The following PLA2R1 variants were observed in gnomAD, a reference collection of about 807,000 sequenced individuals.
PLA2R1 encodes phospholipase A2 receptor 1.
PLA2R1 carries 158 observed loss-of-function variants against 195.9 expected under a neutral mutation model. That is an observed-to-expected ratio of 0.81 (90% CI 0.71 to 0.92). The LOEUF (loss-of-function observed/expected upper bound fraction) is 0.92, where lower values mean the gene tolerates loss of function less well. Ranked by LOEUF, PLA2R1 falls within the 40% of genes least tolerant of loss-of-function variation. The pLI, the probability that PLA2R1 is intolerant of heterozygous loss-of-function variation, is 0.00. For missense variants in PLA2R1, 1,626 were observed against 1,764.6 expected, an observed-to-expected ratio of 0.92 and a Z score of 1.41; for synonymous variants, 586 against 598.2, an observed-to-expected ratio of 0.98 and a Z score of 0.30.
At chr2:160,058,092 T>G (rs1695690658) in intron 1 of PLA2R1, among the ~76,000 whole-genome samples, 1 of 151,868 alleles carries the variant, frequency 6.6e-6, no homozygotes, top group South Asian at 2.1e-4. Context: ...TCCCTTACCA[T>G]GCTTTCTAGA....
rs1686861871 is a variant in PLA2R1 at position 159,936,898 on chromosome 2, C to T, written c.*4880G>A. 1 of 152,176 alleles carries T rather than the reference C, an allele frequency of 6.6e-6. No homozygotes were observed. Among genetic ancestry groups the T allele is most frequent in the South Asian group, 2.1e-4 (1 of 4,832 alleles). 9.4% of individuals were successfully genotyped at this position (152,176 alleles called of 1,614,324 possible). A position where few individuals can be genotyped will look rare whatever the true frequency, so the allele number is the denominator to read the frequency against. On this transcript the variant is annotated 3_prime_UTR_variant, in exon 30 of 30. Coordinates refer to ENST00000283243, the MANE Select transcript of PLA2R1 (RefSeq NM_007366.5). ...ACTAGTATTACAGGGTTTGTTTCCACAGCACTCTCTAACTTATCTTAACAT... is the reference window on the plus strand; with the variant it reads ...ACTAGTATTACAGGGTTTGTTTCCATAGCACTCTCTAACTTATCTTAACAT...
chr2:160,038,792 T>C (rs1446069478), intron 3 of PLA2R1, among the ~76,000 whole-genome samples: 2 of 152,008 alleles, frequency 1.3e-5, no homozygotes, highest in African/African-American at 4.8e-5. Flanking sequence ...TGCTGAGCCA[T>C]GTTGAGGGCT....
chr2:160,061,595 G>A (rs147733761), intron 1 of PLA2R1, among the ~76,000 whole-genome samples: 7,831 of 152,116 alleles, frequency 0.051, 266 homozygotes, highest in Non-Finnish European at 0.077. Context: ...GCAACATGGT[G>A]AAACTCCGTC....
intron 20 of PLA2R1, among the ~76,000 whole-genome samples, chr2:159,961,292 TG>T (rs1276740061): frequency 6.6e-6 from 1 of 152,174 alleles, no homozygotes; most frequent in African/African-American, 2.4e-5. Context: ...TGATATCCTT[TG>T]TAATCAAATG....
chr2:159,967,154 T>C (rs1191025088), intron 20 of PLA2R1, among the ~76,000 whole-genome samples: 1 of 152,066 alleles, frequency 6.6e-6, no homozygotes, highest in Non-Finnish European at 1.5e-5. Flanking sequence ...CACACAGGCA[T>C]GCAGGCACAT....
At chr2:159,950,727 A>G (rs373352246) in intron 24 of PLA2R1, among the ~76,000 whole-genome samples, 1 of 152,342 alleles carries the variant, frequency 6.6e-6, no homozygotes, top group East Asian at 1.9e-4. Context: ...ATGTGTATAC[A>G]TGGAAAATTT....
chr2:159,941,649 A>G lies in PLA2R1; in HGVS notation c.*129T>C. On this transcript the variant is annotated 3_prime_UTR_variant, in exon 30 of 30. Coordinates refer to ENST00000283243, the MANE Select transcript of PLA2R1 (RefSeq NM_007366.5). ...AAGATTCAAAACCAGTAATCACTTC[A>G]AGAATAATTAAAATAGTGACCCAAT... 1.7e-6 allele frequency: 1 copy of G among 602,614 alleles called. No individual in the cohort carries two copies. Among genetic ancestry groups the G allele is most frequent in the South Asian group, 2.1e-5 (1 of 47,408 alleles). The allele number at this position is 602,614 out of a possible 1,614,324, so 37.3% of individuals were successfully genotyped here. A position where few individuals can be genotyped will look rare whatever the true frequency, so the allele number is the denominator to read the frequency against.
chr2:159,946,065 G>A (rs1687368949), intron 27 of PLA2R1: 5 of 971,848 alleles, frequency 5.1e-6, no homozygotes, highest in South Asian at 4.8e-5. Context: ...AGCCAGCCAT[G>A]TACCAAGGGG....
chr2:159,986,839 G>T (rs576004854), intron 12 of PLA2R1, among the ~76,000 whole-genome samples: 2 of 151,968 alleles, frequency 1.3e-5, no homozygotes, highest in Non-Finnish European at 2.9e-5. Flanking sequence ...CGCCTGCCTC[G>T]GCCTCCCAAA....
intron 6 of PLA2R1, among the ~76,000 whole-genome samples, chr2:160,024,597 A>G (rs1399887819): frequency 6.6e-6 from 1 of 151,810 alleles, no homozygotes; most frequent in African/African-American, 2.4e-5. Context: ...AAGCAGTCAT[A>G]CCCCCCAGCA....
At chr2:159,987,571 A>T (rs1203978721) in intron 11 of PLA2R1, among the ~76,000 whole-genome samples, 1 of 152,136 alleles carries the variant, frequency 6.6e-6, no homozygotes, top group Non-Finnish European at 1.5e-5. Context: ...GAGAAAAGAG[A>T]GTGTGAAGGC....
In PLA2R1 at chr2:159,941,875, G is replaced by A. The variant is rs778466311; in HGVS notation, c.4295C>T (p.Ala1432Val). 1 of 1,613,180 alleles carries A rather than the reference G, an allele frequency of 6.2e-7. No homozygotes were observed. Reference protein sequence around the residue: ...KHNGGFFRRLAGFRNPYYPAT... With the variant: ...KHNGGFFRRLVGFRNPYYPAT... Reference sequence around the variant, plus strand: ...AGGATAGTAAGGATTCCGAAACCCTGCAAGTCTCCTGAAGAAGCCACCGTT... The same window carrying A: ...AGGATAGTAAGGATTCCGAAACCCTACAAGTCTCCTGAAGAAGCCACCGTT... Residue 1432 changes from alanine (A) to valine (V), a missense_variant, in exon 30 of 30, where the codon GCA (alanine) becomes GTA (valine). Transcript: ENST00000283243.
intron 2 of PLA2R1, among the ~76,000 whole-genome samples, chr2:160,043,617 G>T (rs1169733999): frequency 6.6e-6 from 1 of 152,096 alleles, no homozygotes; most frequent in African/African-American, 2.4e-5. Flanking sequence ...TTTTCTTTCA[G>T]TCCCCTTCCT....
At chr2:160,054,517 A>G (rs1477804101) in intron 1 of PLA2R1, among the ~76,000 whole-genome samples, 1 of 152,220 alleles carries the variant, frequency 6.6e-6, no homozygotes, top group Non-Finnish European at 1.5e-5. Flanking sequence ...GCAGAATACC[A>G]AAAGCTAGAA....
rs1441499552 is a variant in PLA2R1, at chr2:159,939,949, A to C, written c.*1829T>G. On this transcript the variant is annotated 3_prime_UTR_variant, in exon 30 of 30. Coordinates refer to ENST00000283243, the MANE Select transcript of PLA2R1 (RefSeq NM_007366.5). ...ATATCTTTTAAAAAATGAAGTCCCA[A>C]TACTTAAAAAAATTATGGAGGTAGA... 1 of 152,242 alleles carries C rather than the reference A, an allele frequency of 6.6e-6. No individual in the cohort carries two copies. Among genetic ancestry groups the C allele is most frequent in the East Asian group, 1.9e-4 (1 of 5,204 alleles). The allele number at this position is 152,242 out of a possible 1,614,324, so 9.4% of individuals were successfully genotyped here.
chr2:159,925,503 A>G, the PLA2R1 span, among the ~76,000 whole-genome samples: 5 of 148,714 alleles, frequency 3.4e-5, 1 homozygote, highest in East Asian at 7.9e-4. Context: ...TCCCTTGAAC[A>G]TTTTTGTGAA....
intron 6 of PLA2R1, among the ~76,000 whole-genome samples, chr2:160,025,970 T>C (rs1217737576): frequency 6.6e-6 from 1 of 152,176 alleles, no homozygotes; most frequent in Admixed American, 6.5e-5. Flanking sequence ...ATAGTTAATG[T>C]AGTGTATTCA....
At chr2:159,973,784 G>A (rs1245881881) in intron 17 of PLA2R1, among the ~76,000 whole-genome samples, 1 of 152,102 alleles carries the variant, frequency 6.6e-6, no homozygotes, top group Non-Finnish European at 1.5e-5. Flanking sequence ...GCACAGTGGG[G>A]AGATTAGTTA....
In PLA2R1 at chr2:159,934,923, C is replaced by T. The variant is rs1686753155; in HGVS notation, c.*6855G>A. On this transcript the variant is annotated 3_prime_UTR_variant, in exon 30 of 30. Coordinates refer to ENST00000283243, the MANE Select transcript of PLA2R1 (RefSeq NM_007366.5). ...TCCATGATCCATTTGAGGATTTCAACTTGCACGTAGTTGTCATGTCTCTTT... is the reference window on the plus strand; with the variant it reads ...TCCATGATCCATTTGAGGATTTCAATTTGCACGTAGTTGTCATGTCTCTTT... 2 of 152,216 alleles carry T rather than the reference C, an allele frequency of 1.3e-5. No homozygotes were observed. The highest frequency in any genetic ancestry group is 4.8e-5 in the African/African-American group (2 of 41,456). 9.4% of individuals were successfully genotyped at this position (152,216 alleles called of 1,614,324 possible). A position where few individuals can be genotyped will look rare whatever the true frequency, so the allele number is the denominator to read the frequency against.
Sources: gnomAD v4.1 joint callset for allele counts (sites outside exome capture counted in the v4.1 genomes callset) on GRCh38, gnomAD v4.1.1 for gene constraint, MANE v1.5 for transcripts, NCBI Gene and HGNC (gene_info 2026-07-23, HGNC 2026-07-21) for gene names.